The following FER variants were observed in gnomAD, a reference collection of about 807,000 sequenced individuals.
FER encodes tyrosine-protein kinase Fer.
FER carries 63 observed loss-of-function variants against 111.0 expected under a neutral mutation model. The observed-to-expected ratio is 0.57, with a 90% CI of 0.46 to 0.70. FER has a LOEUF of 0.70. FER is among the 30% of genes least tolerant of loss of function. The pLI, the probability that FER is intolerant of heterozygous loss-of-function variation, is 0.00. For missense variants in FER, 914 were observed against 954.0 expected (o/e 0.96, Z 0.55); for synonymous variants, 327 against 313.9 (o/e 1.04, Z -0.44).
intron 5 of FER, among the ~76,000 whole-genome samples, chr5:108,845,067 T>TATATATATAC (rs1486282738): frequency 5.6e-5 from 3 of 53,850 alleles, no homozygotes; most frequent in African/African-American, 1.5e-4. Flanking sequence ...TATATATATA[T>TATATATATAC]ACACACACAC....
At chr5:108,918,436 A>C (rs375404365) in intron 10 of FER, among the ~76,000 whole-genome samples, 2 of 152,234 alleles carry the variant, frequency 1.3e-5, no homozygotes, top group South Asian at 4.1e-4. Context: ...GATTTTATCC[A>C]ATAATATAAT....
chr5:109,150,820 G>T (rs758341493), intron 17 of FER, among the ~76,000 whole-genome samples: 2 of 151,980 alleles, frequency 1.3e-5, no homozygotes, highest in Non-Finnish European at 1.5e-5. Flanking sequence ...TCATTTATTC[G>T]TGACATTCTA....
At chr5:109,016,987 A>G (rs1767231355) in intron 13 of FER, among the ~76,000 whole-genome samples, 1 of 152,056 alleles carries the variant, frequency 6.6e-6, no homozygotes, top group Non-Finnish European at 1.5e-5. Context: ...GGAAGAAGGC[A>G]GTCTGCAATC....
chr5:109,137,554 C>G lies in FER; in HGVS notation c.2048+37035C>G, dbSNP rs529367457. ...GAGAATAAAGTCCTAGGGGGGAACT[C>G]AAGATAGTATCCAAGGGGAAATCTA... On this transcript the variant is annotated intron_variant, in intron 17 of 19. Transcript: ENST00000281092. Among the ~76,000 whole-genome samples, 3 of 152,260 alleles carry G rather than the reference C, an allele frequency of 2.0e-5. No individual in the cohort carries two copies. In the East Asian group the frequency reaches 5.8e-4, roughly 29 times the overall value.
intron 5 of FER, among the ~76,000 whole-genome samples, chr5:108,864,485 T>C (rs566260212): frequency 1.5e-4 from 23 of 152,308 alleles, no homozygotes; most frequent in African/African-American, 5.5e-4. Flanking sequence ...ACTCAGATGG[T>C]TGCTGAGCCT....
At chr5:108,798,833 A>C (rs540316520) in intron 3 of FER, among the ~76,000 whole-genome samples, 1 of 152,252 alleles carries the variant, frequency 6.6e-6, no homozygotes, top group East Asian at 1.9e-4. Flanking sequence ...CAAAAAACAA[A>C]ACAAAAAATT....
At chr5:109,047,079 A>C in intron 15 of FER, 25 bp from the exon 16 acceptor site, 148 of 1,051,148 alleles carry the variant, frequency 1.4e-4, no homozygotes, top group Non-Finnish European at 1.9e-4. Flanking sequence ...AATGATAACT[A>C]TTCGTATATT....
At position 109,013,493 on chromosome 5, in the gene FER, G is replaced by C. The variant is rs533128340; in HGVS notation, c.1657-23929G>C. ...CCAGTCTATCATTGTTGGACATTTG[G>C]GTTGGTTCCAAGTCTTTGCTATTGT... is the stretch of plus-strand genomic sequence containing the variant. On this transcript the variant is annotated intron_variant, in intron 13 of 19. Coordinates refer to ENST00000281092, the MANE Select transcript of FER (RefSeq NM_005246.4). Among the ~76,000 whole-genome samples the C allele has an allele frequency of 9.9e-3, 1,492 of 150,916 alleles. 21 individuals are homozygous for C. Among genetic ancestry groups the C allele is most frequent in the African/African-American group, 0.035 (1,425 of 41,076 alleles).
chr5:108,934,165 A>G (rs892383172), intron 10 of FER, among the ~76,000 whole-genome samples: 2 of 152,166 alleles, frequency 1.3e-5, no homozygotes, highest in African/African-American at 4.8e-5. Context: ...ACTGATGCCC[A>G]GCGTTTGCTT....
At chr5:108,907,873 A>G (rs1428850030) in intron 10 of FER, among the ~76,000 whole-genome samples, 1 of 152,110 alleles carries the variant, frequency 6.6e-6, no homozygotes, top group African/African-American at 2.4e-5. Flanking sequence ...TTAGACATCA[A>G]TTGATTGACA....
chr5:109,018,241 G>C (rs2149822181), intron 13 of FER, among the ~76,000 whole-genome samples: 1 of 151,874 alleles, frequency 6.6e-6, no homozygotes, highest in South Asian at 2.1e-4. Flanking sequence ...ACACTGACTA[G>C]AAAGTATCAG....
At chr5:108,971,952 G>T (rs190763390) in intron 13 of FER, among the ~76,000 whole-genome samples, 3 of 151,478 alleles carry the variant, frequency 2.0e-5, no homozygotes, top group Non-Finnish European at 2.9e-5. Flanking sequence ...AATTGTTGAA[G>T]TTTTTTTTCC....
chr5:109,113,284 T>C (rs1032553984), intron 17 of FER, among the ~76,000 whole-genome samples: 1 of 152,144 alleles, frequency 6.6e-6, no homozygotes, highest in Admixed American at 6.6e-5. Flanking sequence ...TACATATCTA[T>C]GACTTGAGGA....
At position 109,122,524 on chromosome 5, in the gene FER, A is replaced by T. The variant is rs1742150940; in HGVS notation, c.2048+22005A>T. Reference sequence around the variant, plus strand: ...TTGAGAATGATCCATGTGCTGAGAAAAAAAAAAAAGGCATGTTCTGCAGCC... The same window carrying T: ...TTGAGAATGATCCATGTGCTGAGAATAAAAAAAAAGGCATGTTCTGCAGCC... On this transcript the variant is annotated intron_variant, in intron 17 of 19. Transcript: ENST00000281092. Among the ~76,000 whole-genome samples the T allele has an allele frequency of 3.3e-5, 5 of 151,240 alleles. No individual in the cohort carries two copies. In the South Asian group the frequency reaches 1.0e-3, roughly 31 times the overall value.
chr5:109,054,993 A>G (rs542371650), intron 16 of FER, among the ~76,000 whole-genome samples: 4 of 152,298 alleles, frequency 2.6e-5, no homozygotes, highest in African/African-American at 9.6e-5. Context: ...TAGCTTTATA[A>G]TAAGTCTTGA....
intron 13 of FER, among the ~76,000 whole-genome samples, chr5:108,988,827 C>G (rs72790512): frequency 0.12 from 17,555 of 151,812 alleles, 1,101 homozygotes; most frequent in Middle Eastern, 0.16. Context: ...TGTTTCTTTT[C>G]TTGTGATAGG....
intron 16 of FER, among the ~76,000 whole-genome samples, chr5:109,076,971 G>A (rs1419481711): frequency 2.0e-5 from 3 of 152,158 alleles, no homozygotes; most frequent in African/African-American, 7.2e-5. Flanking sequence ...CCAATACACA[G>A]AGCTAACTTA....
chr5:108,797,633 C>T (rs545529329), intron 2 of FER, among the ~76,000 whole-genome samples: 1 of 152,164 alleles, frequency 6.6e-6, no homozygotes, highest in Non-Finnish European at 1.5e-5. Flanking sequence ...CTTGATGATT[C>T]GAGACTGTGT....
rs1232639297 is a variant in FER, at chr5:108,935,780, A to G, written c.1237-10350A>G. 4.6e-5 allele frequency among the ~76,000 whole-genome samples: 7 copies of G among 152,056 alleles called. No homozygotes were observed. In the East Asian group the frequency reaches 1.3e-3, roughly 29 times the overall value. ...TATTTTTCTTTTGCCAGAAGCACAG[A>G]TACTTTGTTTATGGTCCAACTCTGA... On this transcript the variant is annotated intron_variant, in intron 10 of 19. Transcript: ENST00000281092.
Sources: gnomAD v4.1 joint callset for allele counts (sites outside exome capture counted in the v4.1 genomes callset) on GRCh38, gnomAD v4.1.1 for gene constraint, MANE v1.5 for transcripts, NCBI Gene and HGNC (gene_info 2026-07-23, HGNC 2026-07-21) for gene names.